Variants in STX8 observed in about 807,000 individuals in gnomAD.
STX8 encodes the protein syntaxin 8, also known as syntaxin-8.
In STX8, 23 loss-of-function variants were observed where a neutral mutation model predicts 37.5. The ratio of observed to expected loss-of-function variants is 0.61; its 90% confidence interval spans 0.44 to 0.87. STX8 has a LOEUF of 0.87. STX8 is among the 40% of genes least tolerant of loss of function. The pLI, the probability that STX8 is intolerant of heterozygous loss-of-function variation, is 0.00. For missense variants in STX8, 313 were observed against 284.7 expected (o/e 1.10, Z -0.71); for synonymous variants, 115 against 99.1 (o/e 1.16, Z -0.95).
intron 7 of STX8, among the ~76,000 whole-genome samples, chr17:9,318,267 C>T (rs1909455531): frequency 6.6e-6 from 1 of 151,588 alleles, no homozygotes; most frequent in African/African-American, 2.4e-5. Flanking sequence ...GCTATCCCTC[C>T]CCCAGCCCCC....
At chr17:9,446,192 T>C (rs1179960652) in intron 6 of STX8, among the ~76,000 whole-genome samples, 1 of 152,136 alleles carries the variant, frequency 6.6e-6, no homozygotes, top group African/African-American at 2.4e-5. Context: ...AATAATTACA[T>C]GGGGGCCAGG....
chr17:9,521,115 AGAAATAG>A (rs1905323631), intron 4 of STX8, among the ~76,000 whole-genome samples: 1 of 152,260 alleles, frequency 6.6e-6, no homozygotes, highest in African/African-American at 2.4e-5. Context: ...AATTTCAATT[AGAAATAG>A]ATTCTTTGAC....
intron 6 of STX8, among the ~76,000 whole-genome samples, chr17:9,485,582 TG>T (rs1906553785): frequency 7.4e-6 from 1 of 135,616 alleles, no homozygotes; most frequent in Non-Finnish European, 1.5e-5. Context: ...TTTGTTTTTT[TG>T]TTTTTTGGTT....
chr17:9,359,855 G>T (rs1911006439), intron 7 of STX8, among the ~76,000 whole-genome samples: 2 of 151,918 alleles, frequency 1.3e-5, no homozygotes, highest in Admixed American at 1.3e-4. Context: ...TTCAGGGAAG[G>T]GATCAAAGGT....
intron 7 of STX8, among the ~76,000 whole-genome samples, chr17:9,262,797 G>A (rs1907091495): frequency 6.6e-6 from 1 of 152,066 alleles, no homozygotes; most frequent in South Asian, 2.1e-4. Flanking sequence ...GGCCAGGATG[G>A]TCTTGATCTC....
chr17:9,529,313 A>G (rs1567599031), intron 4 of STX8, among the ~76,000 whole-genome samples: 3 of 152,200 alleles, frequency 2.0e-5, no homozygotes, highest in South Asian at 4.1e-4. Flanking sequence ...ATCTGTATGC[A>G]TATGCATGCA....
intron 6 of STX8, among the ~76,000 whole-genome samples, chr17:9,473,629 T>C (rs1053691110): frequency 6.6e-6 from 1 of 152,184 alleles, no homozygotes; most frequent in Non-Finnish European, 1.5e-5. Context: ...GAAAAAAGTC[T>C]GCACATGTTC....
chr17:9,411,584 A>G (rs1912979076), intron 6 of STX8, among the ~76,000 whole-genome samples: 1 of 152,234 alleles, frequency 6.6e-6, no homozygotes, highest in Non-Finnish European at 1.5e-5. Context: ...TCCAAATTGC[A>G]CATCGGAAAA....
At chr17:9,394,386 T>C (rs2142308502) in intron 6 of STX8, among the ~76,000 whole-genome samples, 1 of 150,636 alleles carries the variant, frequency 6.6e-6, no homozygotes, top group African/African-American at 2.4e-5. Flanking sequence ...TTAAATTCAT[T>C]TTTTTTTTTG....
Position 9,453,663 on chromosome 17 carries a change from T to C in STX8, c.541+38166A>G, listed in dbSNP as rs1905110105. Among the ~76,000 whole-genome samples, 2 of 151,996 alleles carry C rather than the reference T, an allele frequency of 1.3e-5. 1 individual carries two copies. Among genetic ancestry groups the C allele is most frequent in the South Asian group, 4.2e-4 (2 of 4,812 alleles). On this transcript the variant is annotated intron_variant, in intron 6 of 7. Transcript: ENST00000306357. ...ATGTGCCACCATGCCCAGCTAATTT[T>C]TGTATTTTTAGTAGAGGCAGGGTTT...
intron 7 of STX8, among the ~76,000 whole-genome samples, chr17:9,281,173 C>T (rs147496699): frequency 4.3e-4 from 65 of 152,126 alleles, no homozygotes; most frequent in African/African-American, 1.3e-3. Context: ...AACAGGAAGG[C>T]GATGCAGGAA....
At chr17:9,485,778 G>T (rs1597701879) in intron 6 of STX8, among the ~76,000 whole-genome samples, 1 of 152,020 alleles carries the variant, frequency 6.6e-6, no homozygotes, top group East Asian at 1.9e-4. Context: ...TAGAGACGGG[G>T]TTTCACCATA....
intron 6 of STX8, among the ~76,000 whole-genome samples, chr17:9,425,579 G>T (rs967335484): frequency 6.6e-6 from 1 of 152,084 alleles, no homozygotes; most frequent in Non-Finnish European, 1.5e-5. Context: ...CACTCAAAAG[G>T]TTTTCATGGT....
intron 7 of STX8, among the ~76,000 whole-genome samples, chr17:9,336,804 A>C (rs1243891850): frequency 6.6e-6 from 1 of 152,172 alleles, no homozygotes. Context: ...TTCAGGGTGA[A>C]ATGGTATGTT....
intron 7 of STX8, among the ~76,000 whole-genome samples, chr17:9,314,811 A>G (rs1909324336): frequency 6.6e-6 from 1 of 150,506 alleles, no homozygotes; most frequent in Non-Finnish European, 1.5e-5. Flanking sequence ...GCCTTAAAAA[A>G]CTGAGTTCCT....
At chr17:9,496,125 G>T (rs1298275933) in intron 5 of STX8, among the ~76,000 whole-genome samples, 1 of 151,266 alleles carries the variant, frequency 6.6e-6, no homozygotes. Flanking sequence ...GCCCAGGCTG[G>T]AGTACAATGG....
intron 7 of STX8, among the ~76,000 whole-genome samples, chr17:9,306,786 CAAAT>C (rs889545818): frequency 2.6e-5 from 4 of 151,492 alleles, no homozygotes; most frequent in Middle Eastern, 3.2e-3. Flanking sequence ...CAAACAAAAA[CAAAT>C]AAGGAATTTA....
chr17:9,562,300 G>A (rs897666770), intron 2 of STX8, among the ~76,000 whole-genome samples: 2 of 151,892 alleles, frequency 1.3e-5, no homozygotes, highest in Admixed American at 6.6e-5. Flanking sequence ...CAGCTACTTG[G>A]GAGGCTGAGG....
chr17:9,341,879 G>T (rs1910371799), intron 7 of STX8, among the ~76,000 whole-genome samples: 1 of 152,180 alleles, frequency 6.6e-6, no homozygotes, highest in African/African-American at 2.4e-5. Context: ...GCTATAGTGG[G>T]AGGTTTCCAT....
Sources: gnomAD v4.1 joint callset for allele counts (sites outside exome capture counted in the v4.1 genomes callset) on GRCh38, gnomAD v4.1.1 for gene constraint, MANE v1.5 for transcripts, NCBI Gene and HGNC (gene_info 2026-07-23, HGNC 2026-07-21) for gene names.